The following SV2C variants were observed in gnomAD, a reference collection of about 807,000 sequenced individuals.
The protein encoded by SV2C is solute carrier family 22 member B3.
A neutral mutation model predicts 79.7 loss-of-function variants in SV2C; 49 were observed. The observed-to-expected ratio is 0.61, with a 90% CI of 0.49 to 0.78. The LOEUF is 0.78. SV2C is among the 30% of genes least tolerant of loss of function. The probability of loss-of-function intolerance (pLI) is 0.00; values close to 1 mark genes in which losing one functional copy is unlikely to be tolerated. For synonymous variants in SV2C, 334 were observed against 333.2 expected, an observed-to-expected ratio of 1.00 and a Z score of -0.03; for missense variants, 833 against 912.9, an observed-to-expected ratio of 0.91 and a Z score of 1.13.
At chr5:75,891,118 A>G in the SV2C span, among the ~76,000 whole-genome samples, 4 of 152,074 alleles carry the variant, frequency 2.6e-5, no homozygotes, top group South Asian at 8.3e-4. Flanking sequence ...GCAAGCCCCA[A>G]TTTAGGAAAT....
chr5:76,181,951 C>A (rs1353915279), intron 2 of SV2C, among the ~76,000 whole-genome samples: 2 of 152,220 alleles, frequency 1.3e-5, no homozygotes, highest in Non-Finnish European at 2.9e-5. Flanking sequence ...TAAACCCAGT[C>A]ATTCCCACCA....
At chr5:76,029,245 C>A in the SV2C span, among the ~76,000 whole-genome samples, 1 of 152,200 alleles carries the variant, frequency 6.6e-6, no homozygotes, top group Admixed American at 6.5e-5. Context: ...CACCAAACAT[C>A]TATCCTCTTA....
chr5:75,991,641 G>T, the SV2C span, among the ~76,000 whole-genome samples: 1 of 146,012 alleles, frequency 6.8e-6, no homozygotes, highest in Admixed American at 6.9e-5. Flanking sequence ...TATATATATA[G>T]ATATATATTT....
At chr5:76,137,654 TA>T (rs1749113220) in intron 2 of SV2C, among the ~76,000 whole-genome samples, 1 of 152,198 alleles carries the variant, frequency 6.6e-6, no homozygotes, top group South Asian at 2.1e-4. Flanking sequence ...CAGCCAGAAG[TA>T]AATTCCTCTG....
the SV2C span, among the ~76,000 whole-genome samples, chr5:76,059,723 C>T: frequency 6.6e-6 from 1 of 152,090 alleles, no homozygotes; most frequent in South Asian, 2.1e-4. Context: ...ATTTTGACTT[C>T]CTCCTATGAA....
intron 3 of SV2C, among the ~76,000 whole-genome samples, chr5:76,208,584 A>G (rs1744678116): frequency 6.6e-6 from 1 of 152,234 alleles, no homozygotes; most frequent in Non-Finnish European, 1.5e-5. Context: ...AACACTGCCA[A>G]TACTTCTTTA....
At chr5:75,882,789 T>TAAA in the SV2C span, among the ~76,000 whole-genome samples, 2,591 of 142,480 alleles carry the variant, frequency 0.018, 70 homozygotes, top group African/African-American at 0.059. Flanking sequence ...CCTAAAACCA[T>TAAA]AAAAAAAAAA....
chr5:76,346,412 A>G (rs530668575), intron 12 of SV2C, among the ~76,000 whole-genome samples: 2 of 152,294 alleles, frequency 1.3e-5, no homozygotes, highest in African/African-American at 2.4e-5. Context: ...ACACTCCAGC[A>G]CTTCAGTGGA....
At chr5:76,179,476 T>C (rs1263067743) in intron 2 of SV2C, among the ~76,000 whole-genome samples, 2 of 152,222 alleles carry the variant, frequency 1.3e-5, no homozygotes, top group Admixed American at 6.5e-5. Flanking sequence ...GAGAAGCGGA[T>C]GGCTGACTGC....
In SV2C at chr5:76,301,397, G is replaced by A. The variant is rs1747992777; in HGVS notation, c.1852G>A (p.Val618Met). Residue 618 changes from valine (V) to methionine (M), a missense_variant, in exon 12 of 13, where the codon GTG becomes ATG. By Grantham distance (21) the Val-to-Met change is conservative. Coordinates refer to ENST00000502798, the MANE Select transcript of SV2C (RefSeq NM_014979.4). ...TGCATTGTTGGCAGGTGGCTCTATG[G>A]TGCTTTCGGGGATCAGCTGTTTCTT... is the stretch of plus-strand genomic sequence containing the variant. ...GRLTMLGGSM[V>M]LSGISCFFLW... is the part of the protein sequence containing the mutation. 1 of 1,613,954 alleles carries A rather than the reference G, an allele frequency of 6.2e-7. No individual in the cohort carries two copies.
At chr5:75,976,990 A>T in the SV2C span, among the ~76,000 whole-genome samples, 1 of 152,246 alleles carries the variant, frequency 6.6e-6, no homozygotes, top group African/African-American at 2.4e-5. Context: ...TAGCTGTTCC[A>T]GACAGTGCAA....
intron 2 of SV2C, among the ~76,000 whole-genome samples, chr5:76,160,720 G>A (rs1316444246): frequency 2.6e-5 from 4 of 152,142 alleles, no homozygotes; most frequent in Non-Finnish European, 5.9e-5. Context: ...AAATGGCAAA[G>A]GACTTGAATA....
At chr5:75,881,096 C>T in the SV2C span, among the ~76,000 whole-genome samples, 2 of 152,074 alleles carry the variant, frequency 1.3e-5, no homozygotes, top group African/African-American at 4.8e-5. Context: ...CTCTCAACAC[C>T]AAGGGGATGC....
the SV2C span, among the ~76,000 whole-genome samples, chr5:75,887,436 T>C: frequency 1.3e-5 from 2 of 151,724 alleles, no homozygotes; most frequent in Non-Finnish European, 2.9e-5. Flanking sequence ...AGATTCCACA[T>C]GTAAGTGAGA....
chr5:76,115,172 C>T (rs990090768), intron 1 of SV2C, among the ~76,000 whole-genome samples: 16 of 152,138 alleles, frequency 1.1e-4, no homozygotes, highest in South Asian at 4.1e-4. Context: ...GGAACAATCG[C>T]GCGTTGGTCC....
chr5:76,065,407 A>C, the SV2C span, among the ~76,000 whole-genome samples: 2 of 152,328 alleles, frequency 1.3e-5, no homozygotes, highest in Admixed American at 1.3e-4. Context: ...AAAATCAAAG[A>C]CATGGGAAAA....
chr5:75,949,521 T>A, the SV2C span, among the ~76,000 whole-genome samples: 2 of 152,132 alleles, frequency 1.3e-5, no homozygotes, highest in South Asian at 4.1e-4. Flanking sequence ...AGCTCCTGTA[T>A]TTTCCACATG....
chr5:76,098,063 G>C (rs1289875109), intron 1 of SV2C, among the ~76,000 whole-genome samples: 2 of 152,152 alleles, frequency 1.3e-5, no homozygotes. Flanking sequence ...GTAGGAACAG[G>C]GGAAGCTTAG....
the SV2C span, among the ~76,000 whole-genome samples, chr5:75,894,072 G>A: frequency 3.3e-5 from 5 of 152,140 alleles, no homozygotes; most frequent in East Asian, 3.9e-4. Context: ...GTTTTTAAGC[G>A]AGGGAGGACA....
Sources: allele counts gnomAD v4.1 joint callset (sites outside exome capture counted in the v4.1 genomes callset), GRCh38; gene constraint gnomAD v4.1.1; transcripts MANE v1.5; gene names NCBI Gene and HGNC (gene_info 2026-07-23, HGNC 2026-07-21).